The following YTHDC1 variants were observed in gnomAD, a reference collection of about 807,000 sequenced individuals.
YTHDC1 encodes YTH N6-methyladenosine RNA binding protein C1, also known as YTH domain-containing protein 1.
A neutral mutation model predicts 107.0 loss-of-function variants in YTHDC1; 12 were observed. The ratio of observed to expected loss-of-function variants is 0.11; its 90% CI spans 0.07 to 0.18. The LOEUF is 0.18. Among genes scored for constraint, YTHDC1 ranks in the 10% least tolerant of loss-of-function variants. The pLI is 1.00. For missense variants in YTHDC1, 635 were observed against 898.8 expected, an observed-to-expected ratio of 0.71 and a Z score of 3.75; for synonymous variants, 280 against 289.5, an observed-to-expected ratio of 0.97 and a Z score of 0.33.
At chr4:68,317,039 T>G (rs187652188) in intron 15 of YTHDC1, among the ~76,000 whole-genome samples, 1 of 152,212 alleles carries the variant, frequency 6.6e-6, no homozygotes, top group Non-Finnish European at 1.5e-5. Context: ...GAGACCAGCT[T>G]GGGTAACAGA....
chr4:68,331,908 T>TAAAAAA (rs202087978), intron 7 of YTHDC1, among the ~76,000 whole-genome samples, 195 bp downstream of exon 7: 1 of 142,742 alleles, frequency 7.0e-6, no homozygotes. Flanking sequence ...AAAATCATCT[T>TAAAAAA]AAAAAAAAAA....
At chr4:68,328,819 C>G (rs1484857466) in intron 9 of YTHDC1, among the ~76,000 whole-genome samples, 1 of 152,228 alleles carries the variant, frequency 6.6e-6, no homozygotes, top group Non-Finnish European at 1.5e-5. Context: ...GTATAGCCTA[C>G]TACATACCTA....
intron 1 of YTHDC1, among the ~76,000 whole-genome samples, chr4:68,347,158 C>A (rs1725541273): frequency 6.6e-6 from 1 of 152,186 alleles, no homozygotes; most frequent in South Asian, 2.1e-4. Context: ...AGCTTCTAGT[C>A]TGGTAATCTA....
At chr4:68,335,682 A>G (rs1041556135) in intron 4 of YTHDC1, among the ~76,000 whole-genome samples, 1 of 152,114 alleles carries the variant, frequency 6.6e-6, no homozygotes, top group Non-Finnish European at 1.5e-5. Context: ...GGTTTCATAC[A>G]TTCTCCACAA....
chr4:68,349,641 C>CCCCCCCCCT, intron 1 of YTHDC1, 85 bp downstream of exon 1: 1 of 395,252 alleles, frequency 2.5e-6, no homozygotes, highest in Non-Finnish European at 5.2e-6. Context: ...ACCCCCACCC[C>CCCCCCCCCT]CCACCCCCAA....
intron 1 of YTHDC1, among the ~76,000 whole-genome samples, chr4:68,347,592 T>C (rs1464612829): frequency 6.6e-6 from 1 of 152,180 alleles, no homozygotes; most frequent in Non-Finnish European, 1.5e-5. Context: ...ATTAATATAA[T>C]TGCCAATTTC....
At chr4:68,318,805 G>C (rs542792345) in intron 13 of YTHDC1, 21 bp downstream of exon 13, 2 of 1,614,072 alleles carry the variant, frequency 1.2e-6, no homozygotes, top group Non-Finnish European at 1.7e-6. Flanking sequence ...TCAAAACTAG[G>C]CAAGAGTGAA....
rs1349546078 is a variant in YTHDC1 at position 68,346,447 on chromosome 4, G to A, written c.28+3279C>T. Among the ~76,000 whole-genome samples, 6 of 152,200 alleles carry A rather than the reference G, an allele frequency of 3.9e-5. No individual in the cohort carries two copies. The East Asian group carries it at 1.2e-3, about 29-fold the overall frequency. On this transcript the variant is annotated intron_variant, in intron 1 of 16. Coordinates refer to ENST00000344157, the MANE Select transcript of YTHDC1 (RefSeq NM_001031732.4). ...CTTATCCAAGGTTTTGCTTTTGAGG[G>A]TTTGTTACCCCCAGTCAACTGAGTC...
rs546388335 is a variant in YTHDC1, at chr4:68,341,022, T to G, written c.29-2638A>C. Among the ~76,000 whole-genome samples the G allele has an allele frequency of 7.2e-5, 11 of 152,250 alleles. 1 individual carries two copies. In the South Asian group the frequency reaches 2.3e-3, roughly 32 times the overall value. On this transcript the variant is annotated intron_variant, in intron 1 of 16. Transcript: ENST00000344157. ...TTTCAAGACAACAAATATTAACCAA[T>G]GCTTACTACTTTTTAAAAATACTTT...
chr4:68,315,673 G>T (rs951717086), intron 16 of YTHDC1, among the ~76,000 whole-genome samples: 3 of 152,086 alleles, frequency 2.0e-5, no homozygotes, highest in African/African-American at 7.2e-5. Flanking sequence ...TAAAAACCCA[G>T]AAAACTCAAA....
At chr4:68,317,843 A>T (rs1410986568) in intron 15 of YTHDC1, among the ~76,000 whole-genome samples, 1 of 152,218 alleles carries the variant, frequency 6.6e-6, no homozygotes, top group Non-Finnish European at 1.5e-5. Context: ...ACTAAATATT[A>T]TATTTGATAA....
In YTHDC1 at chr4:68,330,184, A is replaced by C; in HGVS notation, c.1231+18T>G. 1 of 1,578,030 alleles carries C rather than the reference A, an allele frequency of 6.3e-7. No individual in the cohort carries two copies. The highest frequency in any genetic ancestry group is 2.3e-5 in the East Asian group (1 of 43,620). ...TATAATTAATGTTTTTATATGTCCA[A>C]ATTATTTTTATTCTTACCTTGAAAT... On this transcript the variant is annotated intron_variant, in intron 8 of 16. Transcript: ENST00000344157.
chr4:68,326,543 C>T (rs1215720156), intron 9 of YTHDC1, among the ~76,000 whole-genome samples: 1 of 152,098 alleles, frequency 6.6e-6, no homozygotes, highest in Non-Finnish European at 1.5e-5. Context: ...ACTCTCTGAC[C>T]TAAGTGGTTC....
chr4:68,332,164 T>C lies in YTHDC1; in HGVS notation c.1061A>G (p.Asp354Gly), dbSNP rs1394154967. ...QTSKLKYVLQ[D>G]ARFFLIKSNN... ...ACTCTTTATGAGGAAAAATCTTGCATCTTGAAGCACATATTTGAGTTTACT... is the reference window on the plus strand; with the variant it reads ...ACTCTTTATGAGGAAAAATCTTGCACCTTGAAGCACATATTTGAGTTTACT... The change falls in exon 7 of 17, where the codon GAT becomes GGT. Residue 354 changes from aspartate to glycine, a missense_variant. Physicochemically the swap from Asp to Gly is moderately conservative, Grantham distance 94 (BLOSUM62 -1). Transcript: ENST00000344157. 1 of 1,609,342 alleles carries C rather than the reference T, an allele frequency of 6.2e-7. No homozygotes were observed. Among genetic ancestry groups the C allele is most frequent in the African/African-American group, 1.3e-5 (1 of 74,648 alleles).
At chr4:68,333,462 GA>G in intron 4 of YTHDC1, 65 bp from the exon 5 acceptor site, 1 of 1,177,424 alleles carries the variant, frequency 8.5e-7, no homozygotes, top group Non-Finnish European at 1.2e-6. Flanking sequence ...AATCAAACAA[GA>G]ATGTATCATT....
At chr4:68,347,296 T>A (rs1165803716) in intron 1 of YTHDC1, among the ~76,000 whole-genome samples, 1 of 152,196 alleles carries the variant, frequency 6.6e-6, no homozygotes, top group Non-Finnish European at 1.5e-5. Flanking sequence ...ATACAAGGTG[T>A]TTGCAATAAT....
chr4:68,324,287 T>A, intron 9 of YTHDC1, 64 bp from the exon 10 acceptor site: 29 of 1,374,196 alleles, frequency 2.1e-5, no homozygotes, highest in Non-Finnish European at 2.9e-5. Flanking sequence ...TATACTACTT[T>A]TAGTAGTGAA....
intron 9 of YTHDC1, among the ~76,000 whole-genome samples, chr4:68,326,520 G>A (rs1723006354): frequency 6.6e-6 from 1 of 152,144 alleles, no homozygotes; most frequent in Admixed American, 6.6e-5. Context: ...AGTTCTTTGA[G>A]AACATGTAAG....
chr4:68,323,079 A>C (rs1448725631), intron 10 of YTHDC1, among the ~76,000 whole-genome samples, 164 bp from the exon 11 acceptor site: 2 of 152,240 alleles, frequency 1.3e-5, no homozygotes, highest in Non-Finnish European at 2.9e-5. Context: ...ACATTTAAAA[A>C]GTGTTTTGTG....
Sources: allele counts gnomAD v4.1 joint callset (sites outside exome capture counted in the v4.1 genomes callset), GRCh38; gene constraint gnomAD v4.1.1; transcripts MANE v1.5; gene names NCBI Gene and HGNC (gene_info 2026-07-23, HGNC 2026-07-21).